The following CLSTN2 variants were observed in gnomAD, a reference collection of about 807,000 sequenced individuals.
The protein encoded by CLSTN2 is calsyntenin 2.
In CLSTN2, 48 loss-of-function variants were observed where a neutral mutation model predicts 101.2. The ratio of observed to expected loss-of-function variants is 0.47; its 90% CI spans 0.38 to 0.60. The LOEUF (loss-of-function observed/expected upper bound fraction) is 0.60, where lower values mean the gene tolerates loss of function less well. Among genes scored for constraint, CLSTN2 ranks in the 20% least tolerant of loss-of-function variants. The pLI is 0.00. For synonymous variants in CLSTN2, 481 were observed against 463.6 expected (o/e 1.04, Z -0.48); for missense variants, 1,160 against 1,238.2 (o/e 0.94, Z 0.95).
At chr3:140,308,214 C>A (rs1201479950) in intron 2 of CLSTN2, among the ~76,000 whole-genome samples, 1 of 152,180 alleles carries the variant, frequency 6.6e-6, no homozygotes, top group Admixed American at 6.5e-5. Flanking sequence ...AGGAACCAGG[C>A]AAAATGGAAT....
At chr3:140,092,669 A>C (rs1239726526) in intron 1 of CLSTN2, among the ~76,000 whole-genome samples, 1 of 152,084 alleles carries the variant, frequency 6.6e-6, no homozygotes, top group Non-Finnish European at 1.5e-5. Flanking sequence ...AAGTCAGAAG[A>C]CCTCTGTCTG....
At chr3:140,278,103 G>C (rs915599296) in intron 2 of CLSTN2, among the ~76,000 whole-genome samples, 2 of 152,356 alleles carry the variant, frequency 1.3e-5, no homozygotes, top group African/African-American at 4.8e-5. Context: ...CAGGATTAGA[G>C]TAGTCTGAGG....
intron 2 of CLSTN2, among the ~76,000 whole-genome samples, chr3:140,218,640 T>C (rs2086231892): frequency 6.6e-6 from 1 of 152,234 alleles, no homozygotes; most frequent in South Asian, 2.1e-4. Context: ...TTAAAAATAC[T>C]GAGTACGTCA....
chr3:140,013,621 C>T (rs2107752385), intron 1 of CLSTN2, among the ~76,000 whole-genome samples: 1 of 152,194 alleles, frequency 6.6e-6, no homozygotes, highest in South Asian at 2.1e-4. Context: ...AAATCCAGTG[C>T]TTAGATCTCA....
chr3:140,507,508 C>T (rs560007878), intron 8 of CLSTN2: 1 of 152,258 alleles, frequency 6.6e-6, no homozygotes, highest in East Asian at 1.9e-4. Flanking sequence ...GGAGAAGGCA[C>T]CTGCCCTCTA....
chr3:140,110,212 C>T (rs184695901), intron 1 of CLSTN2, among the ~76,000 whole-genome samples: 7 of 152,262 alleles, frequency 4.6e-5, no homozygotes, highest in Admixed American at 2.0e-4. Context: ...AGGGCTTCCA[C>T]GAGCTTTTTA....
At chr3:140,136,443 G>A (rs949956745) in intron 1 of CLSTN2, among the ~76,000 whole-genome samples, 1 of 152,106 alleles carries the variant, frequency 6.6e-6, no homozygotes, top group Admixed American at 6.5e-5. Context: ...TTAGTATTGT[G>A]CTTTGTCAAT....
chr3:140,166,257 C>T (rs1169135761), intron 1 of CLSTN2, among the ~76,000 whole-genome samples: 1 of 152,204 alleles, frequency 6.6e-6, no homozygotes, highest in Non-Finnish European at 1.5e-5. Context: ...CTACTCCACC[C>T]ATCAGTTACC....
chr3:140,000,438 G>A (rs1023603118), intron 1 of CLSTN2, among the ~76,000 whole-genome samples: 1 of 152,172 alleles, frequency 6.6e-6, no homozygotes. Context: ...GTTGAAATAA[G>A]ATGTAATAAA....
At chr3:139,944,938 C>T (rs771568526) in intron 1 of CLSTN2, among the ~76,000 whole-genome samples, 1 of 152,172 alleles carries the variant, frequency 6.6e-6, no homozygotes, top group African/African-American at 2.4e-5. Context: ...ACAGTCAGGC[C>T]GGCAGATACC....
chr3:140,307,334 C>T (rs577444858), intron 2 of CLSTN2, among the ~76,000 whole-genome samples: 19 of 152,288 alleles, frequency 1.2e-4, no homozygotes, highest in African/African-American at 3.6e-4. Context: ...CACACCTTGC[C>T]GGCCTCCTCC....
At chr3:140,291,958 G>T (rs1430045915) in intron 2 of CLSTN2, among the ~76,000 whole-genome samples, 2 of 151,808 alleles carry the variant, frequency 1.3e-5, no homozygotes, top group East Asian at 2.0e-4. Flanking sequence ...CCTCCTAACT[G>T]GTCTCCCTAC....
rs923792181 is a variant in CLSTN2, at chr3:139,966,225, A to G, written c.109+30742A>G. On this transcript the variant is annotated intron_variant, in intron 1 of 16. Transcript: ENST00000458420. ...TCCTGCTCTCTCTCCACAACCTTCA[A>G]TGTGCTCTGCAGCCAGGGACATCAT... Among the ~76,000 whole-genome samples, 11 of 152,080 alleles carry G rather than the reference A, an allele frequency of 7.2e-5. No homozygotes were observed. In the East Asian group the frequency reaches 9.6e-4, roughly 13 times the overall value.
chr3:140,489,475 G>A (rs1292572722), intron 8 of CLSTN2, among the ~76,000 whole-genome samples: 1 of 152,164 alleles, frequency 6.6e-6, no homozygotes, highest in Non-Finnish European at 1.5e-5. Flanking sequence ...TTTAGTGGGA[G>A]AGAAAGGTAA....
intron 1 of CLSTN2, among the ~76,000 whole-genome samples, chr3:139,963,376 C>A (rs539640533): frequency 6.6e-6 from 1 of 152,082 alleles, no homozygotes; most frequent in East Asian, 1.9e-4. Flanking sequence ...ATGATCTAGT[C>A]CTACTTTTCC....
At chr3:140,129,746 C>A (rs1034259517) in intron 1 of CLSTN2, among the ~76,000 whole-genome samples, 1 of 152,270 alleles carries the variant, frequency 6.6e-6, no homozygotes, top group South Asian at 2.1e-4. Flanking sequence ...ACTAATCAGG[C>A]ACCAGATCAG....
chr3:140,449,179 T>G (rs1419374553), intron 6 of CLSTN2, among the ~76,000 whole-genome samples: 1 of 152,014 alleles, frequency 6.6e-6, no homozygotes, highest in Non-Finnish European at 1.5e-5. Context: ...CAAATGAAAA[T>G]TTGGGGCTCT....
chr3:140,309,769 T>C (rs997050388), intron 2 of CLSTN2, among the ~76,000 whole-genome samples: 2 of 152,120 alleles, frequency 1.3e-5, no homozygotes, highest in African/African-American at 4.8e-5. Flanking sequence ...TCCTTCCCTA[T>C]TCTGTGGGGC....
At chr3:139,990,938 A>T (rs1272307994) in intron 1 of CLSTN2, among the ~76,000 whole-genome samples, 1 of 152,234 alleles carries the variant, frequency 6.6e-6, no homozygotes, top group African/African-American at 2.4e-5. Context: ...AATAGCTAGC[A>T]TAGCCAGCTC....
Sources: gnomAD v4.1 joint callset for allele counts (sites outside exome capture counted in the v4.1 genomes callset) on GRCh38, gnomAD v4.1.1 for gene constraint, MANE v1.5 for transcripts, NCBI Gene and HGNC (gene_info 2026-07-23, HGNC 2026-07-21) for gene names.